ADGRL3: variants seen among roughly 807,000 people sequenced by gnomAD.
ADGRL3 encodes adhesion G protein-coupled receptor L3.
Under a neutral mutation model 153.5 loss-of-function variants are expected in ADGRL3, and 62 were observed. The ratio of observed to expected loss-of-function variants is 0.40; its 90% CI spans 0.33 to 0.50. The LOEUF is 0.50. Among genes scored for constraint, ADGRL3 ranks in the 20% least tolerant of loss-of-function variants. The pLI is 0.47. For missense variants in ADGRL3, 1,641 were observed against 1,859.4 expected, an observed-to-expected ratio of 0.88 and a Z score of 2.16; for synonymous variants, 710 against 672.5, an observed-to-expected ratio of 1.06 and a Z score of -0.86.
At chr4:61,476,360 G>A (rs2098052493) in intron 2 of ADGRL3, among the ~76,000 whole-genome samples, 1 of 151,922 alleles carries the variant, frequency 6.6e-6, no homozygotes, top group African/African-American at 2.4e-5. Flanking sequence ...CCAGGTAGCT[G>A]GGATTACAGG....
chr4:62,007,470 G>GTATA (rs199589568), intron 21 of ADGRL3, among the ~76,000 whole-genome samples: 23 of 124,464 alleles, frequency 1.8e-4, no homozygotes, highest in African/African-American at 6.9e-4. Context: ...ATATGTGTGT[G>GTATA]TATATATATA....
chr4:61,775,844 C>T, intron 8 of ADGRL3: 1 of 525,236 alleles, frequency 1.9e-6, no homozygotes, highest in Non-Finnish European at 3.5e-6. Flanking sequence ...ATACCTTCCT[C>T]GGCCATGGCG....
intron 1 of ADGRL3, among the ~76,000 whole-genome samples, chr4:61,207,280 T>A (rs1309567009): frequency 6.6e-6 from 1 of 152,174 alleles, no homozygotes; most frequent in Non-Finnish European, 1.5e-5. Context: ...CTCCAACTTA[T>A]GAGTGAGAAC....
intron 3 of ADGRL3, among the ~76,000 whole-genome samples, chr4:61,508,233 G>A (rs533485450): frequency 1.2e-4 from 19 of 152,212 alleles, no homozygotes; most frequent in Admixed American, 5.9e-4. Flanking sequence ...TTTAGGCAAC[G>A]ATTATAATGA....
chr4:61,551,053 G>A (rs1202150024), intron 4 of ADGRL3, among the ~76,000 whole-genome samples: 2 of 152,068 alleles, frequency 1.3e-5, no homozygotes, highest in African/African-American at 4.8e-5. Flanking sequence ...TAATCACGTG[G>A]TAGCTATTTT....
intron 1 of ADGRL3, among the ~76,000 whole-genome samples, chr4:61,276,245 A>G (rs914590027): frequency 6.6e-6 from 1 of 152,144 alleles, no homozygotes; most frequent in African/African-American, 2.4e-5. Context: ...TCATTACTCT[A>G]GTGCTTCCCT....
At chr4:61,905,157 C>A (rs756423418) in intron 11 of ADGRL3, among the ~76,000 whole-genome samples, 3 of 152,066 alleles carry the variant, frequency 2.0e-5, no homozygotes, top group Non-Finnish European at 4.4e-5. Context: ...TATAGGAATT[C>A]CAGCTATCTT....
At chr4:61,574,063 G>T (rs1366258628) in intron 4 of ADGRL3, among the ~76,000 whole-genome samples, 1 of 151,810 alleles carries the variant, frequency 6.6e-6, no homozygotes, top group Non-Finnish European at 1.5e-5. Context: ...AAACCAAAAG[G>T]CCTTTGTCAC....
intron 9 of ADGRL3, among the ~76,000 whole-genome samples, chr4:61,852,271 C>T (rs949991476): frequency 6.6e-6 from 1 of 151,176 alleles, no homozygotes; most frequent in African/African-American, 2.4e-5. Context: ...GTGCATTTAA[C>T]TACTTATTTT....
At chr4:61,759,155 G>A (rs1396766229) in intron 8 of ADGRL3, among the ~76,000 whole-genome samples, 6 of 151,912 alleles carry the variant, frequency 3.9e-5, no homozygotes, top group African/African-American at 1.2e-4. Context: ...ACAATTATGT[G>A]TTGCTCTTCT....
intron 17 of ADGRL3, among the ~76,000 whole-genome samples, chr4:61,951,014 T>A (rs921499332): frequency 3.9e-5 from 6 of 152,182 alleles, no homozygotes; most frequent in Non-Finnish European, 7.3e-5. Context: ...ACTGAAGAAC[T>A]TATTAGAACT....
intron 1 of ADGRL3, among the ~76,000 whole-genome samples, chr4:61,359,608 T>G (rs2151472412): frequency 6.6e-6 from 1 of 152,254 alleles, no homozygotes; most frequent in East Asian, 1.9e-4. Context: ...ACATTCAGGT[T>G]TTTACTCGAA....
chr4:61,911,667 G>T (rs1581425596), intron 12 of ADGRL3, among the ~76,000 whole-genome samples: 1 of 152,094 alleles, frequency 6.6e-6, no homozygotes, highest in East Asian at 1.9e-4. Flanking sequence ...GACAGCCCTG[G>T]CAATTTACTT....
chr4:61,998,974 G>A (rs2099131305), intron 21 of ADGRL3, among the ~76,000 whole-genome samples: 2 of 152,100 alleles, frequency 1.3e-5, no homozygotes, highest in Admixed American at 6.6e-5. Context: ...GTACCTACAT[G>A]TACCAAAAGG....
At chr4:61,825,671 T>C (rs569132966) in intron 9 of ADGRL3, among the ~76,000 whole-genome samples, 24 of 152,328 alleles carry the variant, frequency 1.6e-4, no homozygotes, top group Non-Finnish European at 3.4e-4. Flanking sequence ...CCAACTGTCC[T>C]TCAGTATTCA....
At chr4:61,780,375 G>C (rs1282925899) in intron 8 of ADGRL3, among the ~76,000 whole-genome samples, 1 of 152,164 alleles carries the variant, frequency 6.6e-6, no homozygotes, top group Non-Finnish European at 1.5e-5. Flanking sequence ...GCAGTGTTTT[G>C]ATCTGTTCAT....
intron 9 of ADGRL3, among the ~76,000 whole-genome samples, chr4:61,849,927 G>T (rs188620193): frequency 6.6e-6 from 1 of 152,174 alleles, no homozygotes; most frequent in Non-Finnish European, 1.5e-5. Context: ...TTGCCAAACA[G>T]ATTGACTTGA....
intron 7 of ADGRL3, among the ~76,000 whole-genome samples, chr4:61,730,870 T>C (rs1462032391): frequency 6.6e-6 from 1 of 152,036 alleles, no homozygotes; most frequent in East Asian, 1.9e-4. Flanking sequence ...TTCCCCTTTA[T>C]TTTTGAGTAG....
intron 13 of ADGRL3, among the ~76,000 whole-genome samples, chr4:61,918,078 G>T (rs1205574411): frequency 2.0e-5 from 3 of 152,180 alleles, no homozygotes; most frequent in Non-Finnish European, 2.9e-5. Context: ...TACCATTTGG[G>T]TAATGACAGC....
Sources: allele counts gnomAD v4.1 joint callset (sites outside exome capture counted in the v4.1 genomes callset), GRCh38; gene constraint gnomAD v4.1.1; transcripts MANE v1.5; gene names NCBI Gene and HGNC (gene_info 2026-07-23, HGNC 2026-07-21).